The following TTLL11 variants were observed in gnomAD, a reference collection of about 807,000 sequenced individuals.
The protein encoded by TTLL11 is tubulin tyrosine ligase like 11.
Under a neutral mutation model 51.7 loss-of-function variants are expected in TTLL11, and 42 were observed. That is an observed-to-expected ratio of 0.81 (90% CI 0.64 to 1.05). TTLL11 has a LOEUF of 1.05. Among genes scored for constraint, TTLL11 ranks in the 50% least tolerant of loss-of-function variants. The pLI, the probability that TTLL11 is intolerant of heterozygous loss-of-function variation, is 0.00. For synonymous variants in TTLL11, 381 were observed against 383.5 expected (o/e 0.99, Z 0.08); for missense variants, 799 against 940.4 (o/e 0.85, Z 1.97).
chr9:121,895,527 C>T (rs939534923), intron 6 of TTLL11, among the ~76,000 whole-genome samples: 1 of 147,414 alleles, frequency 6.8e-6, no homozygotes, highest in Non-Finnish European at 1.5e-5. Context: ...ATGACTGTGA[C>T]TGTGACTGTG....
At chr9:121,893,092 G>T (rs2131447747) in intron 6 of TTLL11, among the ~76,000 whole-genome samples, 1 of 152,228 alleles carries the variant, frequency 6.6e-6, no homozygotes, top group South Asian at 2.1e-4. Flanking sequence ...TTTACCGAGT[G>T]CCAACTTATG....
At chr9:122,045,766 A>T (rs1844984658) in intron 1 of TTLL11, among the ~76,000 whole-genome samples, 1 of 152,222 alleles carries the variant, frequency 6.6e-6, no homozygotes, top group Non-Finnish European at 1.5e-5. Context: ...TACCTTGAAG[A>T]TGTGATGCTA....
intron 6 of TTLL11, among the ~76,000 whole-genome samples, chr9:121,925,870 G>C (rs1297334833): frequency 6.6e-6 from 1 of 152,180 alleles, no homozygotes; most frequent in Admixed American, 6.5e-5. Flanking sequence ...TCAGGGGTGA[G>C]AGCCTGGCAT....
At position 121,820,335 on chromosome 9, in the gene TTLL11, C is replaced by CTT. The variant is rs1005784596; in HGVS notation, c.*2250_*2251dup. On this transcript the variant is annotated 3_prime_UTR_variant, in exon 9 of 9. Coordinates refer to ENST00000321582, the MANE Select transcript of TTLL11 (RefSeq NM_001139442.2). ...GTGTCACGTGAGAGCTTTGTTAAGACTTCTGGTGGCTCCCAGCTGATGACA... is the reference window on the plus strand; with the variant it reads ...GTGTCACGTGAGAGCTTTGTTAAGACTTTTCTGGTGGCTCCCAGCTGATGACA... Among the ~76,000 whole-genome samples the CTT allele has an allele frequency of 2.0e-5, 3 of 152,228 alleles. No homozygotes were observed. Among genetic ancestry groups the CTT allele is most frequent in the Admixed American group, 6.5e-5 (1 of 15,290 alleles).
At chr9:121,878,481 AG>A (rs1588088949) in intron 6 of TTLL11, among the ~76,000 whole-genome samples, 1 of 152,218 alleles carries the variant, frequency 6.6e-6, no homozygotes, top group Admixed American at 6.5e-5. Flanking sequence ...ACAGCAGACT[AG>A]GTCTCTCCCT....
intron 6 of TTLL11, among the ~76,000 whole-genome samples, chr9:121,899,420 T>G (rs1157129803): frequency 6.8e-6 from 1 of 147,404 alleles, no homozygotes; most frequent in African/African-American, 2.5e-5. Context: ...CACACACATT[T>G]AGAGACAGAG....
chr9:122,063,066 C>T (rs1845479575), intron 1 of TTLL11, among the ~76,000 whole-genome samples: 1 of 152,166 alleles, frequency 6.6e-6, no homozygotes, highest in South Asian at 2.1e-4. Context: ...CAAGCTTGGG[C>T]CACCGCACCT....
At chr9:122,021,952 G>A (rs1844193631) in intron 3 of TTLL11, among the ~76,000 whole-genome samples, 1 of 152,072 alleles carries the variant, frequency 6.6e-6, no homozygotes, top group South Asian at 2.1e-4. Context: ...TAGAAATATG[G>A]AAGATAGTTA....
rs547750290 is a variant in TTLL11, at chr9:122,093,216, G to T, written c.-68C>A. ...CGCCGCCGCTCCGCCGCCCCAGTCC[G>T]CCACCAAACTGCCGCCGCTGCAGCC... On this transcript the variant is annotated 5_prime_UTR_variant, in exon 1 of 9. Coordinates refer to ENST00000321582, the MANE Select transcript of TTLL11 (RefSeq NM_001139442.2). The T allele has an allele frequency of 4.0e-6, 6 of 1,491,216 alleles. No homozygotes were observed. In the South Asian group the frequency reaches 7.6e-5, roughly 19 times the overall value. The allele number at this position is 1,491,216 out of a possible 1,614,324, so 92.4% of individuals were successfully genotyped here.
chr9:121,856,046 G>A (rs1425873659), intron 8 of TTLL11, among the ~76,000 whole-genome samples: 1 of 152,146 alleles, frequency 6.6e-6, no homozygotes, highest in Non-Finnish European at 1.5e-5. Context: ...AGTTAGACTG[G>A]TTTTTATTCA....
intron 6 of TTLL11, among the ~76,000 whole-genome samples, chr9:121,962,532 T>G (rs1442799099): frequency 6.6e-6 from 1 of 152,232 alleles, no homozygotes; most frequent in Non-Finnish European, 1.5e-5. Flanking sequence ...CCCAGCCAAC[T>G]ATTAGGTTAA....
intron 8 of TTLL11, among the ~76,000 whole-genome samples, chr9:121,842,041 G>T (rs1296689109): frequency 6.6e-6 from 1 of 152,082 alleles, no homozygotes. Flanking sequence ...GGGGGCAAAG[G>T]ACAGGGTATA....
chr9:121,903,851 G>A (rs117671837), intron 6 of TTLL11, among the ~76,000 whole-genome samples: 2,637 of 152,296 alleles, frequency 0.017, 37 homozygotes, highest in Non-Finnish European at 0.022. Context: ...TAAATGTAAA[G>A]TATTGAAAGA....
At chr9:122,040,753 A>G (rs1351781072) in intron 1 of TTLL11, among the ~76,000 whole-genome samples, 1 of 152,210 alleles carries the variant, frequency 6.6e-6, no homozygotes, top group East Asian at 1.9e-4. Flanking sequence ...AATCAGTCAC[A>G]TTATTTCAAA....
intron 4 of TTLL11, among the ~76,000 whole-genome samples, chr9:121,981,611 T>C (rs919583891): frequency 3.3e-5 from 5 of 152,232 alleles, no homozygotes; most frequent in Admixed American, 1.3e-4. Context: ...TTTTTATAAT[T>C]GAATGCTGGA....
rs1003006362 is a variant in TTLL11, at chr9:121,967,146, A to G, written c.1481+6863T>C. 6.7e-5 allele frequency among the ~76,000 whole-genome samples: 10 copies of G among 148,968 alleles called. No homozygotes were observed. In the East Asian group the frequency reaches 2.0e-3, roughly 30 times the overall value. On this transcript the variant is annotated intron_variant, in intron 6 of 8. Transcript: ENST00000321582. Reference sequence around the variant, plus strand: ...GAGAACATTATCCCAGGCCTGGCTGATACCAAGTCTATTGTCTTGCCAGGA... The same window carrying G: ...GAGAACATTATCCCAGGCCTGGCTGGTACCAAGTCTATTGTCTTGCCAGGA...
chr9:121,936,544 G>C (rs954846781), intron 6 of TTLL11, among the ~76,000 whole-genome samples: 1 of 152,164 alleles, frequency 6.6e-6, no homozygotes, highest in Non-Finnish European at 1.5e-5. Context: ...ACCAGCTCCA[G>C]TGTGTGCCTG....
chr9:122,050,048 G>A (rs866710709), intron 1 of TTLL11, among the ~76,000 whole-genome samples: 2 of 152,158 alleles, frequency 1.3e-5, no homozygotes, highest in Admixed American at 6.5e-5. Context: ...GTGGACCAGC[G>A]AGACCCCAGC....
chr9:121,988,589 C>T (rs925308099), intron 4 of TTLL11, among the ~76,000 whole-genome samples: 2 of 152,200 alleles, frequency 1.3e-5, no homozygotes, highest in Non-Finnish European at 2.9e-5. Context: ...AACTCTCGCT[C>T]CAGGTTTCAG....
Sources: gnomAD v4.1 joint callset for allele counts (sites outside exome capture counted in the v4.1 genomes callset) on GRCh38, gnomAD v4.1.1 for gene constraint, MANE v1.5 for transcripts, NCBI Gene and HGNC (gene_info 2026-07-23, HGNC 2026-07-21) for gene names.